PICALM: variants seen among roughly 807,000 people sequenced by gnomAD.
The protein encoded by PICALM is phosphatidylinositol-binding clathrin assembly protein.
A neutral mutation model predicts 80.5 loss-of-function variants in PICALM; 40 were observed. The ratio of observed to expected loss-of-function variants is 0.50; its 90% CI spans 0.39 to 0.65. PICALM has a LOEUF of 0.65. Ranked by LOEUF, PICALM falls within the 30% of genes least tolerant of loss-of-function variation. The pLI, the probability that PICALM is intolerant of heterozygous loss-of-function variation, is 0.00. For synonymous variants in PICALM, 288 were observed against 260.3 expected (o/e 1.11, Z -1.02); for missense variants, 676 against 778.9 (o/e 0.87, Z 1.57).
intron 1 of PICALM, among the ~76,000 whole-genome samples, chr11:86,067,998 G>A (rs182969486): frequency 1.3e-5 from 2 of 152,318 alleles, no homozygotes; most frequent in African/African-American, 2.4e-5. Flanking sequence ...AATAAAAGTC[G>A]GGTAACTGGG....
In PICALM at chr11:85,994,592, G is replaced by C. The variant is rs192888943; in HGVS notation, c.1258+2234C>G. The stretch of plus-strand genomic sequence containing the variant: ...GGATTATGAAAAAAATCATACCTTT[G>C]CTTTGTCATATACTATAACAGCAGC... On this transcript the variant is annotated intron_variant, in intron 12 of 19. Transcript: ENST00000393346. Among the ~76,000 whole-genome samples, 5 of 152,230 alleles carry C rather than the reference G, an allele frequency of 3.3e-5. No homozygotes were observed. The East Asian group carries it at 9.6e-4, about 29-fold the overall frequency.
intron 1 of PICALM, among the ~76,000 whole-genome samples, chr11:86,059,507 C>G (rs910780649): frequency 9.2e-5 from 14 of 152,160 alleles, no homozygotes; most frequent in African/African-American, 3.4e-4. Flanking sequence ...AAGGTAAAGA[C>G]AGTTTAAAAG....
intron 1 of PICALM, among the ~76,000 whole-genome samples, chr11:86,038,282 T>C (rs557453657): frequency 4.0e-4 from 61 of 151,712 alleles, no homozygotes; most frequent in African/African-American, 1.4e-3. Flanking sequence ...ATCACAGCCA[T>C]AGCACTCCAA....
chr11:85,961,446 G>T (rs182182777), intron 19 of PICALM, among the ~76,000 whole-genome samples: 1 of 152,158 alleles, frequency 6.6e-6, no homozygotes, highest in African/African-American at 2.4e-5. Context: ...TTCCTGTTTG[G>T]ACAAATTTAC....
chr11:85,959,079 T>C lies in PICALM; in HGVS notation c.1945-19A>G, dbSNP rs2093599670. The C allele has an allele frequency of 1.3e-6, 2 of 1,547,608 alleles. No homozygotes were observed. The highest frequency in any genetic ancestry group is 2.2e-5 in the East Asian group (1 of 44,496). On this transcript the variant is annotated intron_variant, in intron 19 of 19. Transcript: ENST00000393346. ...ACTGTATCTGGAAAAAAAAAGTGGG[T>C]ATGTTAATTCATTGTATTGTAGGAT...
chr11:85,997,793 T>C (rs1448333742), intron 11 of PICALM, among the ~76,000 whole-genome samples: 2 of 151,564 alleles, frequency 1.3e-5, no homozygotes, highest in African/African-American at 2.4e-5. Context: ...GTTGTTTTGC[T>C]TTTTTTGAGA....
At chr11:85,998,245 G>C (rs12804833) in intron 11 of PICALM, among the ~76,000 whole-genome samples, 15,093 of 151,866 alleles carry the variant, frequency 0.099, 913 homozygotes, top group Admixed American at 0.14. Context: ...CCAAGTAGCT[G>C]GGACTACAGG....
chr11:85,994,607 A>G (rs17148664), intron 12 of PICALM, among the ~76,000 whole-genome samples: 1,786 of 152,362 alleles, frequency 0.012, 45 homozygotes, highest in African/African-American at 0.04. Context: ...GTCATATACT[A>G]TAACAGCAGC....
chr11:86,025,337 T>G (rs1727125205), intron 3 of PICALM, among the ~76,000 whole-genome samples: 1 of 150,836 alleles, frequency 6.6e-6, no homozygotes, highest in South Asian at 2.1e-4. Flanking sequence ...GAGGCGGAGG[T>G]TGCAGTGAGC....
intron 13 of PICALM, among the ~76,000 whole-genome samples, chr11:85,989,926 G>T (rs766802996): frequency 1.4e-5 from 2 of 144,120 alleles, no homozygotes; most frequent in Non-Finnish European, 3.0e-5. Flanking sequence ...TTTTCAACCA[G>T]TTCTCCAAAC....
At chr11:86,024,952 T>G (rs1230127681) in intron 3 of PICALM, among the ~76,000 whole-genome samples, 1 of 152,196 alleles carries the variant, frequency 6.6e-6, no homozygotes, top group Non-Finnish European at 1.5e-5. Context: ...CTGTTGAATA[T>G]TCCCAATTCA....
intron 13 of PICALM, among the ~76,000 whole-genome samples, chr11:85,986,304 C>T (rs2094567693): frequency 6.8e-6 from 1 of 146,426 alleles, no homozygotes; most frequent in Non-Finnish European, 1.5e-5. Flanking sequence ...TAGAGTTTTA[C>T]ATCATAATTT....
chr11:86,052,624 T>G (rs2096208541), intron 1 of PICALM, among the ~76,000 whole-genome samples: 1 of 152,220 alleles, frequency 6.6e-6, no homozygotes, highest in African/African-American at 2.4e-5. Flanking sequence ...AAATCTCATC[T>G]CAGCTTCCAG....
intron 17 of PICALM, chr11:85,976,889 T>C: frequency 2.2e-6 from 1 of 461,962 alleles, no homozygotes; most frequent in East Asian, 3.4e-5. Context: ...ATTAGAAGGA[T>C]AACTATACCA....
chr11:85,996,953 G>A (rs754132960), intron 11 of PICALM, 24 bp from the exon 12 acceptor site: 148 of 1,527,674 alleles, frequency 9.7e-5, no homozygotes, highest in Non-Finnish European at 1.3e-4. Flanking sequence ...TTGGAAACGT[G>A]TTTTATTTAC....
intron 3 of PICALM, among the ~76,000 whole-genome samples, chr11:86,022,847 C>G (rs1302065612): frequency 6.6e-6 from 1 of 152,084 alleles, no homozygotes; most frequent in Non-Finnish European, 1.5e-5. Flanking sequence ...TTCCTCAAAT[C>G]AAGCAACTTT....
chr11:85,957,718 C>T lies in PICALM; in HGVS notation c.*1328G>A, dbSNP rs888466032. The T allele has an allele frequency of 4.9e-6, 1 of 205,806 alleles. No individual in the cohort carries two copies. The highest frequency in any genetic ancestry group is 6.0e-5 in the Admixed American group (1 of 16,762). The allele number at this position is 205,806 out of a possible 1,614,324, so 12.7% of individuals were successfully genotyped here. A position where few individuals can be genotyped will look rare whatever the true frequency, so the allele number is the denominator to read the frequency against. ...AGCTGCATTTTATTTGAAAATCCAC[C>T]CATTTTGCTAACATACATTTTAATA... On this transcript the variant is annotated 3_prime_UTR_variant, in exon 20 of 20. Coordinates refer to ENST00000393346, the MANE Select transcript of PICALM (RefSeq NM_007166.4).
chr11:86,053,055 T>C (rs2096215651), intron 1 of PICALM, among the ~76,000 whole-genome samples: 1 of 152,234 alleles, frequency 6.6e-6, no homozygotes, highest in South Asian at 2.1e-4. Flanking sequence ...ATTTGATCTG[T>C]ACTTATCTCA....
intron 11 of PICALM, 66 bp from the exon 12 acceptor site, chr11:85,996,995 C>T: frequency 1.2e-6 from 1 of 842,148 alleles, no homozygotes; most frequent in Non-Finnish European, 2.0e-6. Context: ...GTGTCACCTT[C>T]TCCACCCACC....
Sources: allele counts gnomAD v4.1 joint callset (sites outside exome capture counted in the v4.1 genomes callset), GRCh38; gene constraint gnomAD v4.1.1; transcripts MANE v1.5; gene names NCBI Gene and HGNC (gene_info 2026-07-23, HGNC 2026-07-21).